The following RBMS3 variants were observed in gnomAD, a reference collection of about 807,000 sequenced individuals.
The protein encoded by RBMS3 is RNA binding motif single stranded interacting protein 3.
In RBMS3, 27 loss-of-function variants were observed where a neutral mutation model predicts 66.8. The ratio of observed to expected loss-of-function variants is 0.40; its 90% confidence interval spans 0.30 to 0.56. RBMS3 has a LOEUF of 0.56. Ranked by LOEUF, RBMS3 falls within the 20% of genes least tolerant of loss-of-function variation. The probability of loss-of-function intolerance (pLI) is 0.40; values close to 1 mark genes in which losing one functional copy is unlikely to be tolerated. For missense variants in RBMS3, 513 were observed against 549.5 expected, an observed-to-expected ratio of 0.93 and a Z score of 0.66; for synonymous variants, 188 against 183.0, an observed-to-expected ratio of 1.03 and a Z score of -0.22.
chr3:29,676,622 CA>C (rs2051265602), intron 4 of RBMS3, among the ~76,000 whole-genome samples: 1 of 152,146 alleles, frequency 6.6e-6, no homozygotes, highest in Non-Finnish European at 1.5e-5. Context: ...AACTTTGAAT[CA>C]TTTTATATAA....
intron 3 of RBMS3, among the ~76,000 whole-genome samples, chr3:29,549,334 T>C (rs1186436027): frequency 2.0e-5 from 3 of 151,846 alleles, no homozygotes; most frequent in Non-Finnish European, 4.4e-5. Context: ...CTGCTTTTGG[T>C]CCTCTAGTCC....
At chr3:29,748,474 AAAG>A (rs1180475919) in intron 5 of RBMS3, among the ~76,000 whole-genome samples, 2 of 123,996 alleles carry the variant, frequency 1.6e-5, no homozygotes, top group Non-Finnish European at 3.4e-5. Flanking sequence ...TGAAAGGAAA[AAAG>A]AAGCAGTTTT....
chr3:29,926,823 G>A (rs1262711227), intron 10 of RBMS3: 1 of 152,188 alleles, frequency 6.6e-6, no homozygotes, highest in Non-Finnish European at 1.5e-5. Flanking sequence ...TTGAAAATGT[G>A]TTTGGAGGTA....
At chr3:29,741,615 A>G (rs1203090944) in intron 5 of RBMS3, among the ~76,000 whole-genome samples, 2 of 152,184 alleles carry the variant, frequency 1.3e-5, no homozygotes, top group African/African-American at 4.8e-5. Context: ...ACATATTTCC[A>G]AGAAGACCTA....
intron 4 of RBMS3, 124 bp downstream of exon 4, chr3:29,587,329 T>C (rs1046748573): frequency 3.5e-6 from 2 of 571,768 alleles, no homozygotes; most frequent in Admixed American, 8.4e-5. Context: ...ATTAAATATT[T>C]CTCCTTTGCT....
intron 4 of RBMS3, among the ~76,000 whole-genome samples, chr3:29,664,183 T>C (rs1380348566): frequency 6.6e-6 from 1 of 152,080 alleles, no homozygotes; most frequent in African/African-American, 2.4e-5. Flanking sequence ...TTAAGTGCAT[T>C]TGTTGATAAA....
intron 4 of RBMS3, among the ~76,000 whole-genome samples, chr3:29,657,443 T>C (rs2050364737): frequency 6.6e-6 from 1 of 152,212 alleles, no homozygotes; most frequent in Non-Finnish European, 1.5e-5. Context: ...AGATTTCTTC[T>C]CCACTGAGCA....
chr3:29,679,188 C>A (rs992539306), intron 4 of RBMS3, among the ~76,000 whole-genome samples: 1 of 151,938 alleles, frequency 6.6e-6, no homozygotes, highest in Admixed American at 6.6e-5. Flanking sequence ...GAGTTTTATG[C>A]ATGATAAAGT....
rs111686056 is a variant in RBMS3, at chr3:29,483,053, T to G, written c.249-5388T>G. On this transcript the variant is annotated intron_variant, in intron 2 of 14. Coordinates refer to ENST00000383767, the MANE Select transcript of RBMS3 (RefSeq NM_001003793.3). ...TATATGAAGGAAAATTTATTTGAAG[T>G]TTTAAAAGTAGTTCTCCATATCGAC... is the stretch of plus-strand genomic sequence containing the variant. Among the ~76,000 whole-genome samples the G allele has an allele frequency of 1.9e-3, 286 of 151,590 alleles. 2 individuals carry two copies. The highest frequency in any genetic ancestry group is 6.6e-3 in the African/African-American group (275 of 41,396).
chr3:30,002,702 A>G (rs997057023), intron 14 of RBMS3, among the ~76,000 whole-genome samples: 1 of 152,002 alleles, frequency 6.6e-6, no homozygotes, highest in African/African-American at 2.4e-5. Flanking sequence ...CTTTCCTCAC[A>G]TGATTTTAGG....
At chr3:29,585,934 G>A (rs750135899) in intron 3 of RBMS3, among the ~76,000 whole-genome samples, 81 of 152,014 alleles carry the variant, frequency 5.3e-4, no homozygotes, top group Non-Finnish European at 7.1e-4. Flanking sequence ...GACGAGATTC[G>A]AGGGGAAAAA....
chr3:29,801,817 G>A (rs1285182527), intron 6 of RBMS3, among the ~76,000 whole-genome samples: 2 of 152,022 alleles, frequency 1.3e-5, no homozygotes, highest in Non-Finnish European at 2.9e-5. Context: ...ACTGGCCTGG[G>A]TTCAAATTAT....
intron 6 of RBMS3, among the ~76,000 whole-genome samples, chr3:29,782,442 C>T (rs1367330032): frequency 6.6e-6 from 1 of 152,214 alleles, no homozygotes; most frequent in Non-Finnish European, 1.5e-5. Flanking sequence ...ACAATCACTA[C>T]ATTTGGCTCT....
intron 12 of RBMS3, among the ~76,000 whole-genome samples, chr3:29,945,520 C>T (rs1695250045): frequency 6.6e-6 from 1 of 151,624 alleles, no homozygotes; most frequent in South Asian, 2.1e-4. Flanking sequence ...CCTGTCATAT[C>T]TTAACATGCC....
intron 3 of RBMS3, among the ~76,000 whole-genome samples, chr3:29,535,710 CTTTTT>C (rs149022808): frequency 6.5e-4 from 26 of 39,736 alleles, no homozygotes; most frequent in African/African-American, 2.4e-3. Flanking sequence ...GATCATTGCT[CTTTTT>C]TTTTTTTTTT....
At chr3:29,842,410 G>T (rs1235983178) in intron 6 of RBMS3, among the ~76,000 whole-genome samples, 1 of 152,042 alleles carries the variant, frequency 6.6e-6, no homozygotes, top group African/African-American at 2.4e-5. Flanking sequence ...TAACTAATTT[G>T]AGCTCACCTT....
intron 12 of RBMS3, among the ~76,000 whole-genome samples, chr3:29,949,742 AT>A (rs1695553185): frequency 6.6e-6 from 1 of 151,324 alleles, no homozygotes; most frequent in South Asian, 2.1e-4. Flanking sequence ...GAATATTTTT[AT>A]TTTTTATATA....
In RBMS3 at chr3:29,434,633, G is replaced by A. The variant is rs377688113; in HGVS notation, c.76-110G>A. The A allele has an allele frequency of 8.1e-5, 113 of 1,394,044 alleles. 1 individual carries two copies. Among genetic ancestry groups the A allele is most frequent in the Non-Finnish European group, 8.0e-5 (82 of 1,019,084 alleles). 86.4% of individuals were successfully genotyped at this position (1,394,044 alleles called of 1,614,324 possible). On this transcript the variant is annotated intron_variant, in intron 1 of 14. Transcript: ENST00000383767. ...GATATAAATGTGTGTGTGTATGTACGTGTGTGTATTGGAGAAGACGCATAG... is the reference window on the plus strand; with the variant it reads ...GATATAAATGTGTGTGTGTATGTACATGTGTGTATTGGAGAAGACGCATAG...
At chr3:29,939,621 G>A (rs2061344347) in intron 11 of RBMS3, among the ~76,000 whole-genome samples, 1 of 151,838 alleles carries the variant, frequency 6.6e-6, no homozygotes, top group Non-Finnish European at 1.5e-5. Flanking sequence ...CTCCCAGTTT[G>A]TGACTCCTGC....
Sources: gnomAD v4.1 joint callset for allele counts (sites outside exome capture counted in the v4.1 genomes callset) on GRCh38, gnomAD v4.1.1 for gene constraint, MANE v1.5 for transcripts, NCBI Gene and HGNC (gene_info 2026-07-23, HGNC 2026-07-21) for gene names.